Variants in C12orf42 observed in about 807,000 individuals in gnomAD.
C12orf42 encodes the protein chromosome 12 open reading frame 42.
Under a neutral mutation model 21.6 loss-of-function variants are expected in C12orf42, and 25 were observed. That is an observed-to-expected ratio of 1.16 (90% CI 0.84 to 1.62). The LOEUF (loss-of-function observed/expected upper bound fraction) is 1.62, where lower values mean the gene tolerates loss of function less well. C12orf42 is among the 40% of genes most tolerant of loss of function. C12orf42 has a pLI of 0.00. For missense variants in C12orf42, 483 were observed against 459.3 expected (o/e 1.05, Z -0.47); for synonymous variants, 174 against 175.0 (o/e 0.99, Z 0.05).
At chr12:103,148,238 C>A in the C12orf42 span, among the ~76,000 whole-genome samples, 3 of 152,098 alleles carry the variant, frequency 2.0e-5, no homozygotes, top group African/African-American at 7.2e-5. Flanking sequence ...TAGGTTCTTA[C>A]AATTAAAAGG....
At chr12:103,105,118 G>T in the C12orf42 span, among the ~76,000 whole-genome samples, 1 of 152,120 alleles carries the variant, frequency 6.6e-6, no homozygotes, top group South Asian at 2.1e-4. Context: ...TGAATCCATT[G>T]TACACTGTAT....
the C12orf42 span, among the ~76,000 whole-genome samples, chr12:103,135,025 T>C: frequency 4.6e-5 from 7 of 152,184 alleles, no homozygotes; most frequent in Non-Finnish European, 7.4e-5. Context: ...AAGGGTGCTA[T>C]ATGCAGCAAA....
At chr12:103,390,499 CCT>C (rs1305071479) in intron 3 of C12orf42, among the ~76,000 whole-genome samples, 1 of 152,172 alleles carries the variant, frequency 6.6e-6, no homozygotes, top group African/African-American at 2.4e-5. Flanking sequence ...TATTCTACTT[CCT>C]CTCTTTATGA....
At chr12:103,071,132 A>G in the C12orf42 span, among the ~76,000 whole-genome samples, 1 of 152,128 alleles carries the variant, frequency 6.6e-6, no homozygotes, top group Non-Finnish European at 1.5e-5. Flanking sequence ...ATTCACACTC[A>G]AATTGCTTGG....
chr12:103,507,373 T>A, the C12orf42 span, among the ~76,000 whole-genome samples: 4 of 136,192 alleles, frequency 2.9e-5, no homozygotes, highest in East Asian at 6.3e-4. Context: ...CAGGGGGGCA[T>A]AAAAGTGGAA....
At chr12:103,106,157 A>T in the C12orf42 span, among the ~76,000 whole-genome samples, 1 of 152,134 alleles carries the variant, frequency 6.6e-6, no homozygotes, top group Admixed American at 6.5e-5. Flanking sequence ...GTGGCAAAAG[A>T]CTTTCAGGCA....
chr12:103,235,078 T>C (rs1022255841), downstream of C12orf42, among the ~76,000 whole-genome samples: 5 of 152,186 alleles, frequency 3.3e-5, no homozygotes, highest in South Asian at 4.1e-4. Flanking sequence ...CTGAACGTCA[T>C]AAGTGTTCTG....
chr12:103,114,677 T>A, the C12orf42 span, among the ~76,000 whole-genome samples: 1 of 152,250 alleles, frequency 6.6e-6, no homozygotes, highest in East Asian at 1.9e-4. Context: ...GATATAAAGG[T>A]ACTTTGTAAA....
the C12orf42 span, among the ~76,000 whole-genome samples, chr12:103,534,871 A>G: frequency 0.021 from 3,153 of 152,306 alleles, 51 homozygotes; most frequent in Non-Finnish European, 0.033. Context: ...TGATAAAGAT[A>G]ATGTCTTTCC....
chr12:103,151,316 A>G, the C12orf42 span, among the ~76,000 whole-genome samples: 1 of 150,308 alleles, frequency 6.7e-6, no homozygotes. Context: ...ATGAGATAAT[A>G]TCAATTCTGC....
chr12:103,347,717 T>C (rs1428452911), intron 4 of C12orf42, among the ~76,000 whole-genome samples: 2 of 152,056 alleles, frequency 1.3e-5, no homozygotes, highest in African/African-American at 4.8e-5. Context: ...AGAATTGGAA[T>C]GAGAACAAGG....
downstream of C12orf42, among the ~76,000 whole-genome samples, chr12:103,235,997 AT>A (rs2033455821): frequency 6.6e-6 from 1 of 152,274 alleles, no homozygotes; most frequent in African/African-American, 2.4e-5. Flanking sequence ...ATGCAAGATA[AT>A]TTCTCTGCCA....
chr12:103,096,295 G>T, the C12orf42 span, among the ~76,000 whole-genome samples: 1 of 152,306 alleles, frequency 6.6e-6, no homozygotes, highest in South Asian at 2.1e-4. Context: ...GGCTTTATAA[G>T]AATGGAATAA....
the C12orf42 span, among the ~76,000 whole-genome samples, chr12:103,154,332 A>G: frequency 6.6e-6 from 1 of 152,142 alleles, no homozygotes; most frequent in African/African-American, 2.4e-5. Context: ...TTGTTGGAAT[A>G]TTATACTTTA....
At chr12:103,556,478 C>T in the C12orf42 span, among the ~76,000 whole-genome samples, 1 of 152,242 alleles carries the variant, frequency 6.6e-6, no homozygotes, top group African/African-American at 2.4e-5. Context: ...GTTACTTTCT[C>T]AGAGGCTGCT....
the C12orf42 span, among the ~76,000 whole-genome samples, chr12:103,527,177 CA>C: frequency 2.6e-5 from 4 of 151,748 alleles, no homozygotes; most frequent in African/African-American, 7.3e-5. Flanking sequence ...ATTTCCTTAC[CA>C]AAAAAATTTC....
intron 4 of C12orf42, among the ~76,000 whole-genome samples, chr12:103,294,783 G>T (rs2037141235): frequency 6.6e-6 from 1 of 152,116 alleles, no homozygotes; most frequent in African/African-American, 2.4e-5. Flanking sequence ...TTAAGTTCAG[G>T]AATACATGTG....
chr12:103,430,785 A>T (rs1829283290), intron 2 of C12orf42, among the ~76,000 whole-genome samples: 1 of 152,274 alleles, frequency 6.6e-6, no homozygotes, highest in African/African-American at 2.4e-5. Flanking sequence ...ATGCAGCCAC[A>T]AAAAGGAATG....
chr12:103,294,157 A>G lies in C12orf42; in HGVS notation n.338-16947T>C, dbSNP rs4764950. 0.016 allele frequency among the ~76,000 whole-genome samples: 2,489 copies of G among 152,216 alleles called. 136 individuals carry two copies. In the East Asian group the frequency reaches 0.18, roughly 11 times the overall value. The stretch of plus-strand genomic sequence containing the variant: ...CAGTGCCTTGTACATGGTGCATACA[A>G]TAACTATTGGTTGAGTTGAATCAAA... On this transcript the variant is annotated intron_variant and non_coding_transcript_variant, in intron 4 of 6. Coordinates refer to the C12orf42 transcript ENST00000546526.
Sources: gnomAD v4.1 joint callset for allele counts (sites outside exome capture counted in the v4.1 genomes callset) on GRCh38, gnomAD v4.1.1 for gene constraint, MANE v1.5 for transcripts, NCBI Gene and HGNC (gene_info 2026-07-23, HGNC 2026-07-21) for gene names.